The following PDE12 variants were observed in gnomAD, a reference collection of about 807,000 sequenced individuals.
PDE12 encodes the protein phosphodiesterase 12, also known as 2',5'-phosphodiesterase 12.
In PDE12, 26 loss-of-function variants were observed where a neutral mutation model predicts 45.4. The ratio of observed to expected loss-of-function variants is 0.57; its 90% CI spans 0.42 to 0.79. The LOEUF is 0.79. Ranked by LOEUF, PDE12 falls within the 30% of genes least tolerant of loss-of-function variation. PDE12 has a pLI of 0.00. For missense variants in PDE12, 668 were observed against 790.0 expected, an observed-to-expected ratio of 0.85 and a Z score of 1.85; for synonymous variants, 283 against 323.9, an observed-to-expected ratio of 0.87 and a Z score of 1.36.
the PDE12 span, among the ~76,000 whole-genome samples, chr3:57,590,495 A>G: frequency 6.6e-6 from 1 of 152,224 alleles, no homozygotes; most frequent in African/African-American, 2.4e-5. Context: ...CAAAAAAAGA[A>G]AAAAGTTAGA....
the PDE12 span, among the ~76,000 whole-genome samples, chr3:57,655,275 C>T: frequency 6.6e-6 from 1 of 152,150 alleles, no homozygotes; most frequent in Non-Finnish European, 1.5e-5. Context: ...CCTCATGATC[C>T]GCCCGCCTCG....
At chr3:57,597,426 G>A in the PDE12 span, 25 of 287,292 alleles carry the variant, frequency 8.7e-5, no homozygotes, top group South Asian at 6.5e-4. Flanking sequence ...GCAGCGGCCC[G>A]GCCCCTCCAA....
At chr3:57,584,476 CATT>C in the PDE12 span, 2 of 1,605,234 alleles carry the variant, frequency 1.2e-6, no homozygotes, top group South Asian at 1.1e-5. Context: ...TAGAAGAAGA[CATT>C]ATAGATTTAA....
At chr3:57,654,154 A>C in the PDE12 span, among the ~76,000 whole-genome samples, 1 of 149,544 alleles carries the variant, frequency 6.7e-6, no homozygotes, top group Non-Finnish European at 1.5e-5. Context: ...ACGGGGTTTC[A>C]CCGTGTTAGC....
chr3:57,575,406 T>A, the PDE12 span: 1 of 840,552 alleles, frequency 1.2e-6, no homozygotes. Flanking sequence ...TATTTAAAGT[T>A]TATTACCATA....
chr3:57,581,219 G>A, the PDE12 span, among the ~76,000 whole-genome samples: 1 of 152,156 alleles, frequency 6.6e-6, no homozygotes, highest in South Asian at 2.1e-4. Flanking sequence ...TTTATAGCTA[G>A]GAGAACTGAT....
At chr3:57,607,286 TG>T in the PDE12 span, among the ~76,000 whole-genome samples, 60 of 151,838 alleles carry the variant, frequency 4.0e-4, no homozygotes, top group African/African-American at 1.3e-3. Context: ...ACCACAAAGA[TG>T]GGGAAAAACA....
At chr3:57,597,009 G>A in the PDE12 span, 5 of 1,566,232 alleles carry the variant, frequency 3.2e-6, no homozygotes, top group South Asian at 1.1e-5. Flanking sequence ...CAGGCCCAGA[G>A]GCCACCCCAA....
chr3:57,639,542 TA>T, the PDE12 span, among the ~76,000 whole-genome samples: 11 of 152,196 alleles, frequency 7.2e-5, no homozygotes, highest in African/African-American at 2.4e-4. Flanking sequence ...AATTAAGATT[TA>T]AAAAAATTTA....
the PDE12 span, among the ~76,000 whole-genome samples, chr3:57,651,816 A>G: frequency 6.6e-6 from 1 of 152,358 alleles, no homozygotes; most frequent in South Asian, 2.1e-4. Context: ...CTAAACTGGG[A>G]CAATTTGAAT....
the PDE12 span, among the ~76,000 whole-genome samples, chr3:57,605,382 A>G: frequency 6.6e-6 from 1 of 152,192 alleles, no homozygotes; most frequent in Admixed American, 6.5e-5. Context: ...AGATAAGGTT[A>G]GAGGAAACAT....
the PDE12 span, among the ~76,000 whole-genome samples, chr3:57,578,099 C>G: frequency 6.6e-6 from 1 of 151,996 alleles, no homozygotes; most frequent in Non-Finnish European, 1.5e-5. Context: ...AATTAGCTTA[C>G]TGACTCAAAG....
the PDE12 span, among the ~76,000 whole-genome samples, chr3:57,650,421 TACACACACACAC>T: frequency 1.3e-5 from 2 of 149,870 alleles, no homozygotes; most frequent in African/African-American, 4.9e-5. Flanking sequence ...TGCATTTACA[TACACACACACAC>T]ACACACACAC....
At chr3:57,640,708 G>C in the PDE12 span, among the ~76,000 whole-genome samples, 1 of 152,118 alleles carries the variant, frequency 6.6e-6, no homozygotes, top group Admixed American at 6.5e-5. Context: ...GGAGAAAATA[G>C]TCAGTAGTCC....
chr3:57,575,653 T>C, the PDE12 span: 5 of 1,610,116 alleles, frequency 3.1e-6, no homozygotes, highest in Non-Finnish European at 4.2e-6. Context: ...GCACTGCATC[T>C]CTCAATTCAT....
chr3:57,626,079 T>C, the PDE12 span: 1 of 152,778 alleles, frequency 6.5e-6, no homozygotes, highest in South Asian at 2.1e-4. Flanking sequence ...AAGTAGTTGC[T>C]CCTTTTCTGA....
rs1313374781 is a variant in PDE12 at position 57,557,397 on chromosome 3, ACC to A, written c.1019_1020del (p.Thr340ArgfsTer13). ...CCAGAACCTTATCCAGAAGGAACTC[ACC>A]GGCTACAACGCCGATGTCATCTGTT... Reference protein sequence around the residue: ...YRQNLIQKELTGYNADVICLQ... With the variant: ...YRQNLIQKELXGYNADVICLQ... On this transcript the variant is annotated frameshift_variant, in exon 1 of 3. Coordinates refer to ENST00000311180, the MANE Select transcript of PDE12 (RefSeq NM_177966.7). LOFTEE classifies it high-confidence loss of function. The A allele has an allele frequency of 1.2e-6, 2 of 1,613,852 alleles. No individual in the cohort carries two copies. Among genetic ancestry groups the A allele is most frequent in the East Asian group, 4.5e-5 (2 of 44,834 alleles).
chr3:57,560,361 T>C lies in PDE12; in HGVS notation c.*357T>C. On this transcript the variant is annotated 3_prime_UTR_variant, in exon 3 of 3. Coordinates refer to ENST00000311180, the MANE Select transcript of PDE12 (RefSeq NM_177966.7). ...TTTTTTTGAGATGGAGTTTCACTCT[T>C]GTTGCCCAGGCTGGAGTGCAATGGC... The C allele has an allele frequency of 1.0e-6, 1 of 968,748 alleles. No homozygotes were observed. The highest frequency in any genetic ancestry group is 1.3e-6 in the Non-Finnish European group (1 of 795,338). The allele number at this position is 968,748 out of a possible 1,614,324, so 60.0% of individuals were successfully genotyped here. A position where few individuals can be genotyped will look rare whatever the true frequency, so the allele number is the denominator to read the frequency against.
At chr3:57,603,781 C>T in the PDE12 span, among the ~76,000 whole-genome samples, 1 of 152,082 alleles carries the variant, frequency 6.6e-6, no homozygotes, top group South Asian at 2.1e-4. Flanking sequence ...CACCACCCTA[C>T]CCAGCTAATT....
Sources: gnomAD v4.1 joint callset for allele counts (sites outside exome capture counted in the v4.1 genomes callset) on GRCh38, gnomAD v4.1.1 for gene constraint, MANE v1.5 for transcripts, NCBI Gene and HGNC (gene_info 2026-07-23, HGNC 2026-07-21) for gene names.